The following COL12A1 variants were observed in gnomAD, a reference collection of about 807,000 sequenced individuals.
COL12A1 encodes the protein collagen type XII alpha 1 chain.
A neutral mutation model predicts 349.7 loss-of-function variants in COL12A1; 114 were observed. The observed-to-expected ratio is 0.33, with a 90% CI of 0.28 to 0.38. The LOEUF is 0.38. COL12A1 is among the 10% of genes least tolerant of loss of function. The probability of loss-of-function intolerance (pLI) is 1.00; values close to 1 mark genes in which losing one functional copy is unlikely to be tolerated. For missense variants in COL12A1, 3,284 were observed against 3,756.9 expected (o/e 0.87, Z 3.29); for synonymous variants, 1,369 against 1,329.0 (o/e 1.03, Z -0.66).
chr6:75,167,115 G>A (rs1036855423), intron 13 of COL12A1, among the ~76,000 whole-genome samples: 1 of 152,076 alleles, frequency 6.6e-6, no homozygotes, highest in East Asian at 1.9e-4. Context: ...CCATTTGAAA[G>A]TCTTCTTTAG....
In COL12A1 at chr6:75,105,269, A is replaced by G; in HGVS notation, c.8202T>C (p.Ala2734=). 6.2e-7 allele frequency: 1 copy of G among 1,613,796 alleles called. No individual in the cohort carries two copies. The highest frequency in any genetic ancestry group is 8.5e-7 in the Non-Finnish European group (1 of 1,179,842). ...PSRRDEGKCP[A]FPNSCTCTQD... ...GTGTACATGTGCAAGAATTTGGAAA[A>G]GCAGGGCATTTTCCCTCATCTCTCT... The change falls in exon 54 of 66, where the codon GCT becomes GCC. Residue 2734 remains alanine, a synonymous_variant. Transcript: ENST00000322507.
intron 13 of COL12A1, among the ~76,000 whole-genome samples, chr6:75,168,128 A>G (rs1225397375): frequency 6.6e-6 from 1 of 152,182 alleles, no homozygotes; most frequent in Non-Finnish European, 1.5e-5. Context: ...AGACACCACA[A>G]TTGAGAAGAT....
rs751297089 is a variant in COL12A1 at position 75,126,331 on chromosome 6, T to C, written c.6460+20A>G. 14 of 1,601,208 alleles carry C rather than the reference T, an allele frequency of 8.7e-6. 1 individual carries two copies. In the East Asian group the frequency reaches 1.1e-4, roughly 13 times the overall value. On this transcript the variant is annotated intron_variant, in intron 39 of 65. Transcript: ENST00000322507. ...ATAACCCTCCAAAGCATTTCTATGA[T>C]GACAAAGGCACTTCCTTACCCACTG...
intron 16 of COL12A1, 22 bp downstream of exon 16, chr6:75,155,640 T>C (rs1767713636): frequency 6.3e-7 from 1 of 1,587,014 alleles, no homozygotes; most frequent in Non-Finnish European, 8.5e-7. Context: ...CATCCTTTGA[T>C]ACAAACGTAG....
rs185678877 is a variant in COL12A1, at chr6:75,188,303, A to G, written c.997+59T>C. The stretch of plus-strand genomic sequence containing the variant: ...AAATATGTCTACTTCTAAGATAACT[A>G]TAAATACTCAAACAATGGAAAAGAC... On this transcript the variant is annotated intron_variant, in intron 8 of 65. Transcript: ENST00000322507. 2.3e-3 allele frequency: 3,518 copies of G among 1,500,676 alleles called. 8 individuals carry two copies. The highest frequency in any genetic ancestry group is 3.0e-3 in the Non-Finnish European group (3,296 of 1,110,884). The allele number at this position is 1,500,676 out of a possible 1,614,324, so 93.0% of individuals were successfully genotyped here. A position where few individuals can be genotyped will look rare whatever the true frequency, so the allele number is the denominator to read the frequency against.
At chr6:75,170,340 A>G (rs577817235) in intron 13 of COL12A1, among the ~76,000 whole-genome samples, 1 of 152,232 alleles carries the variant, frequency 6.6e-6, no homozygotes, top group Non-Finnish European at 1.5e-5. Context: ...TGTCTTTTCC[A>G]TTAGAGCTCA....
In COL12A1 at chr6:75,096,622, C is replaced by T. The variant is rs547495521; in HGVS notation, c.8577+631G>A. 3.9e-5 allele frequency among the ~76,000 whole-genome samples: 6 copies of T among 152,312 alleles called. No individual in the cohort carries two copies. In the East Asian group the frequency reaches 9.6e-4, roughly 24 times the overall value. On this transcript the variant is annotated intron_variant, in intron 59 of 65. Transcript: ENST00000322507. Reference sequence around the variant, plus strand: ...TTAAAATTCTGTAACAGGGGCCGGGCGCGGTGGCTCACGCCTGTAATCCCA... The same window carrying T: ...TTAAAATTCTGTAACAGGGGCCGGGTGCGGTGGCTCACGCCTGTAATCCCA...
intron 16 of COL12A1, among the ~76,000 whole-genome samples, chr6:75,155,302 C>T (rs1767695564): frequency 6.6e-6 from 1 of 152,136 alleles, no homozygotes; most frequent in Non-Finnish European, 1.5e-5. Flanking sequence ...CCAAAAGGTA[C>T]AGGAACCCCC....
chr6:75,191,205 T>C lies in COL12A1; in HGVS notation c.394+496A>G, dbSNP rs148980186. Among the ~76,000 whole-genome samples, 3 of 152,092 alleles carry C rather than the reference T, an allele frequency of 2.0e-5. No individual in the cohort carries two copies. In the East Asian group the frequency reaches 5.8e-4, roughly 29 times the overall value. On this transcript the variant is annotated intron_variant, in intron 5 of 65. Transcript: ENST00000322507. ...CAAAAAGGTTACAACTACCATCAAC[T>C]AAGGCCATGTAAATAACCTAGAGAA...
At chr6:75,172,156 T>G (rs1283103335) in intron 13 of COL12A1, among the ~76,000 whole-genome samples, 1 of 152,340 alleles carries the variant, frequency 6.6e-6, no homozygotes, top group Non-Finnish European at 1.5e-5. Context: ...TACTCACACA[T>G]GCGTACAAGT....
At position 75,131,817 on chromosome 6, in the gene COL12A1, A is replaced by G. The variant is rs902202298; in HGVS notation, c.5937+123T>C. On this transcript the variant is annotated intron_variant, in intron 35 of 65. Transcript: ENST00000322507. ...ATACACCTACCTCAAGTCATCAAAA[A>G]CAATAATTTAAGTATTATACACTGG... 10 of 1,085,602 alleles carry G rather than the reference A, an allele frequency of 9.2e-6. No homozygotes were observed. The African/African-American group carries it at 1.1e-4, about 12-fold the overall frequency. The allele number at this position is 1,085,602 out of a possible 1,614,324, so 67.2% of individuals were successfully genotyped here.
intron 27 of COL12A1, among the ~76,000 whole-genome samples, chr6:75,141,546 C>G (rs990229639): frequency 5.9e-5 from 9 of 152,278 alleles, no homozygotes; most frequent in Admixed American, 1.3e-4. Context: ...GCCACCTGAC[C>G]TACCTTACAT....
intron 21 of COL12A1, among the ~76,000 whole-genome samples, chr6:75,149,655 T>G (rs1767382651): frequency 6.6e-6 from 1 of 152,124 alleles, no homozygotes; most frequent in African/African-American, 2.4e-5. Context: ...TCCATAAGCA[T>G]GGCAAATCAT....
At chr6:75,108,805 T>C (rs1186704707) in intron 52 of COL12A1, among the ~76,000 whole-genome samples, 1 of 152,244 alleles carries the variant, frequency 6.6e-6, no homozygotes, top group Non-Finnish European at 1.5e-5. Flanking sequence ...GACATCTTAT[T>C]TTGTTTCTAG....
chr6:75,141,433 G>A (rs1216241802), intron 27 of COL12A1, among the ~76,000 whole-genome samples: 2 of 152,188 alleles, frequency 1.3e-5, no homozygotes, highest in Admixed American at 6.5e-5. Flanking sequence ...TGCAGCAGAC[G>A]GAGCAGGAAG....
chr6:75,107,460 G>A (rs1414376694), intron 52 of COL12A1, among the ~76,000 whole-genome samples: 2 of 151,826 alleles, frequency 1.3e-5, no homozygotes, highest in Non-Finnish European at 2.9e-5. Flanking sequence ...TAGTAGAGAC[G>A]GGGTCTTACC....
rs376931672 is a variant in COL12A1, at chr6:75,101,629, G to A, written c.8494C>T (p.Pro2832Ser). 16 of 1,613,874 alleles carry A rather than the reference G, an allele frequency of 9.9e-6. No homozygotes were observed. Among genetic ancestry groups the A allele is most frequent in the Non-Finnish European group, 1.4e-5 (16 of 1,179,836 alleles). Residue 2832 changes from proline (P) to serine (S), a missense_variant, in exon 58 of 66, where the codon CCA becomes TCA. Around this residue, in one of 2 missense-constraint regions of COL12A1, gnomAD observed 683 missense variants for 932.1 expected, o/e 0.73. Coordinates refer to ENST00000322507, the MANE Select transcript of COL12A1 (RefSeq NM_004370.6). ...TCTCCTGGAGGTCCCATTGGTCCTG[G>A]TGGGCCAGGTAATCCTGGGGTTCCC... ...RTGTPGLPGP[P>S]GPMGPPGDRG...
intron 46 of COL12A1, among the ~76,000 whole-genome samples, chr6:75,118,053 G>A (rs1487299029): frequency 6.6e-6 from 1 of 152,030 alleles, no homozygotes; most frequent in Non-Finnish European, 1.5e-5. Context: ...GCAAATTTAG[G>A]CTATGACAAA....
rs1767305470 is a variant in COL12A1, at chr6:75,148,349, C to T, written c.4287+9G>A. 1.2e-6 allele frequency: 2 copies of T among 1,610,148 alleles called. No individual in the cohort carries two copies. The highest frequency in any genetic ancestry group is 1.7e-6 in the Non-Finnish European group (2 of 1,178,066). On this transcript the variant is annotated intron_variant, in intron 22 of 65. Coordinates refer to ENST00000322507, the MANE Select transcript of COL12A1 (RefSeq NM_004370.6). Reference sequence around the variant, plus strand: ...CAGGAAGAAGTAAGTTATAGGTGTTCCTACTCACTTCTTGACGTTTCCCTC... The same window carrying T: ...CAGGAAGAAGTAAGTTATAGGTGTTTCTACTCACTTCTTGACGTTTCCCTC...
Sources: allele counts gnomAD v4.1 joint callset (sites outside exome capture counted in the v4.1 genomes callset), GRCh38; gene constraint gnomAD v4.1.1; regional missense constraint gnomAD v4.1.1; transcripts MANE v1.5; gene names NCBI Gene and HGNC (gene_info 2026-07-23, HGNC 2026-07-21).